KHDRBS2: variants seen among roughly 807,000 people sequenced by gnomAD.
KHDRBS2 encodes the protein KH RNA binding domain containing, signal transduction associated 2, also known as KH domain-containing, RNA-binding, signal transduction-associated protein 2.
Under a neutral mutation model 44.3 loss-of-function variants are expected in KHDRBS2, and 26 were observed. The ratio of observed to expected loss-of-function variants is 0.59; its 90% CI spans 0.43 to 0.81. The LOEUF is 0.81. KHDRBS2 is among the 40% of genes least tolerant of loss of function. KHDRBS2 has a pLI of 0.00. For synonymous variants in KHDRBS2, 194 were observed against 151.1 expected, an observed-to-expected ratio of 1.28 and a Z score of -2.08; for missense variants, 476 against 433.1, an observed-to-expected ratio of 1.10 and a Z score of -0.88.
chr6:62,017,467 G>GA (rs903618667), intron 3 of KHDRBS2, among the ~76,000 whole-genome samples: 84 of 151,948 alleles, frequency 5.5e-4, no homozygotes, highest in African/African-American at 2.0e-3. Context: ...TGTTATATGA[G>GA]AAAAAAATAA....
chr6:62,161,056 A>G (rs1053294175), intron 2 of KHDRBS2, among the ~76,000 whole-genome samples: 2 of 152,110 alleles, frequency 1.3e-5, no homozygotes, highest in Admixed American at 6.6e-5. Flanking sequence ...TACCTCATAT[A>G]TAAGTGTAAT....
chr6:62,121,424 T>C (rs1807606682), intron 2 of KHDRBS2, among the ~76,000 whole-genome samples: 1 of 152,226 alleles, frequency 6.6e-6, no homozygotes, highest in African/African-American at 2.4e-5. Flanking sequence ...TCTTGGATAA[T>C]GACAGTACAT....
chr6:62,103,703 G>A (rs1562866670), intron 2 of KHDRBS2, among the ~76,000 whole-genome samples: 1 of 152,032 alleles, frequency 6.6e-6, no homozygotes, highest in Non-Finnish European at 1.5e-5. Flanking sequence ...GAGAGTACAA[G>A]CCCCAGCCAT....
intron 2 of KHDRBS2, among the ~76,000 whole-genome samples, chr6:62,067,957 T>G (rs1223844075): frequency 6.6e-6 from 1 of 151,638 alleles, no homozygotes; most frequent in Non-Finnish European, 1.5e-5. Flanking sequence ...CAGCGGACAC[T>G]TGAGTTGTGT....
rs1774443057 is a variant in KHDRBS2 at position 61,731,508 on chromosome 6, TACTGTGCTGTC to T, written c.893+1163_893+1173del. Among the ~76,000 whole-genome samples the T allele has an allele frequency of 2.0e-5, 3 of 152,236 alleles. No individual in the cohort carries two copies. In the South Asian group the frequency reaches 6.2e-4, roughly 32 times the overall value. On this transcript the variant is annotated intron_variant, in intron 7 of 8. Coordinates refer to ENST00000281156, the MANE Select transcript of KHDRBS2 (RefSeq NM_152688.4). ...AAATAAAATTTATCTTCAATACTTT[TACTGTGCTGTC>T]ACTCAGGCCACGGAAAATCCAAACT...
chr6:61,554,900 T>C, the KHDRBS2 span, among the ~76,000 whole-genome samples: 3 of 152,180 alleles, frequency 2.0e-5, no homozygotes, highest in Admixed American at 2.0e-4. Context: ...TGGGGTTCCC[T>C]TTGTAGGTGA....
At chr6:61,627,802 C>A in the KHDRBS2 span, among the ~76,000 whole-genome samples, 1 of 152,038 alleles carries the variant, frequency 6.6e-6, no homozygotes, top group Admixed American at 6.6e-5. Flanking sequence ...CTAACAAAAC[C>A]GTAATTCTGA....
At chr6:61,623,513 C>A in the KHDRBS2 span, among the ~76,000 whole-genome samples, 16 of 152,284 alleles carry the variant, frequency 1.1e-4, no homozygotes, top group African/African-American at 3.8e-4. Flanking sequence ...GAGTAATAGG[C>A]AGCCTTCCAC....
chr6:61,768,530 A>G (rs1352231717), intron 6 of KHDRBS2, among the ~76,000 whole-genome samples: 1 of 151,932 alleles, frequency 6.6e-6, no homozygotes, highest in Non-Finnish European at 1.5e-5. Flanking sequence ...TCTTGTATGT[A>G]TGCTTCACTC....
intron 6 of KHDRBS2, among the ~76,000 whole-genome samples, chr6:61,776,530 T>G (rs890307986): frequency 5.3e-5 from 8 of 152,112 alleles, no homozygotes; most frequent in African/African-American, 1.9e-4. Context: ...AAAGAACACA[T>G]GAAAAAATGC....
chr6:62,074,622 T>A (rs1795964222), intron 2 of KHDRBS2, among the ~76,000 whole-genome samples: 1 of 151,842 alleles, frequency 6.6e-6, no homozygotes, highest in South Asian at 2.1e-4. Flanking sequence ...TTTAACTAGA[T>A]CAACGTTTCA....
intron 4 of KHDRBS2, among the ~76,000 whole-genome samples, chr6:61,972,518 G>A (rs1449449391): frequency 6.6e-6 from 1 of 152,088 alleles, no homozygotes; most frequent in Non-Finnish European, 1.5e-5. Flanking sequence ...ATTAGAATAT[G>A]GTTAGTTACA....
At chr6:61,569,731 A>C in the KHDRBS2 span, among the ~76,000 whole-genome samples, 1 of 152,198 alleles carries the variant, frequency 6.6e-6, no homozygotes, top group South Asian at 2.1e-4. Flanking sequence ...GAAGACCTGA[A>C]GACAGATCTC....
chr6:62,073,996 T>C (rs1795837511), intron 2 of KHDRBS2, among the ~76,000 whole-genome samples: 1 of 151,746 alleles, frequency 6.6e-6, no homozygotes, highest in Non-Finnish European at 1.5e-5. Flanking sequence ...CGGAAACATA[T>C]CTGCTCTGTA....
intron 3 of KHDRBS2, among the ~76,000 whole-genome samples, chr6:61,993,757 T>C (rs1230185611): frequency 1.3e-5 from 2 of 149,602 alleles, no homozygotes; most frequent in African/African-American, 2.4e-5. Flanking sequence ...GAAAAATGAA[T>C]GTATATTGGC....
chr6:62,070,850 T>A lies in KHDRBS2; in HGVS notation c.220-22856A>T, dbSNP rs150179585. Among the ~76,000 whole-genome samples, 164 of 152,308 alleles carry A rather than the reference T, an allele frequency of 1.1e-3. 1 individual carries two copies. The East Asian group carries it at 0.028, about 26-fold the overall frequency. ...CATGATTTATAATCCTCTGGGTATA[T>A]ACCCAGCAATGGGATGGCTGGGTCA... On this transcript the variant is annotated intron_variant, in intron 2 of 8. Coordinates refer to ENST00000281156, the MANE Select transcript of KHDRBS2 (RefSeq NM_152688.4).
At chr6:61,681,143 G>A in intron 8 of KHDRBS2, 83 bp from the exon 9 acceptor site, 2 of 929,814 alleles carry the variant, frequency 2.2e-6, no homozygotes, top group Admixed American at 2.2e-5. Context: ...AGTTGACCGA[G>A]AAAAAGAAAA....
intron 6 of KHDRBS2, among the ~76,000 whole-genome samples, chr6:61,754,565 CTTT>C (rs201477122): frequency 3.1e-4 from 41 of 133,158 alleles, no homozygotes; most frequent in Admixed American, 3.7e-4. Flanking sequence ...ATGTTTTATG[CTTT>C]TTTTTTTTTT....
intron 2 of KHDRBS2, among the ~76,000 whole-genome samples, chr6:62,124,435 T>G (rs758213333): frequency 6.6e-6 from 1 of 152,186 alleles, no homozygotes; most frequent in Non-Finnish European, 1.5e-5. Flanking sequence ...TGCTGTGGAC[T>G]CACAAAAACA....
Sources: gnomAD v4.1 joint callset for allele counts (sites outside exome capture counted in the v4.1 genomes callset) on GRCh38, gnomAD v4.1.1 for gene constraint, MANE v1.5 for transcripts, NCBI Gene and HGNC (gene_info 2026-07-23, HGNC 2026-07-21) for gene names.